MAP4K5: variants seen among roughly 807,000 people sequenced by gnomAD.
The protein encoded by MAP4K5 is mitogen-activated protein kinase kinase kinase kinase 5.
Under a neutral mutation model 135.6 loss-of-function variants are expected in MAP4K5, and 82 were observed. That is an observed-to-expected ratio of 0.60 (90% CI 0.51 to 0.73). The LOEUF is 0.73. MAP4K5 is among the 30% of genes least tolerant of loss of function. The pLI is 0.00. For missense variants in MAP4K5, 907 were observed against 1,010.9 expected (o/e 0.90, Z 1.39); for synonymous variants, 347 against 335.0 (o/e 1.04, Z -0.39).
intron 2 of MAP4K5, among the ~76,000 whole-genome samples, chr14:50,515,481 C>A (rs1031408058): frequency 6.6e-6 from 1 of 152,158 alleles, no homozygotes; most frequent in African/African-American, 2.4e-5. Context: ...CATACATCCT[C>A]CCTTACCTAT....
chr14:50,511,288 G>A (rs752499668), intron 2 of MAP4K5, among the ~76,000 whole-genome samples: 6 of 152,166 alleles, frequency 3.9e-5, no homozygotes, highest in Non-Finnish European at 5.9e-5. Context: ...ATTCTGTTAA[G>A]TGAAATTGGC....
intron 2 of MAP4K5, among the ~76,000 whole-genome samples, chr14:50,526,269 T>G (rs1378748998): frequency 6.6e-6 from 1 of 152,200 alleles, no homozygotes; most frequent in Non-Finnish European, 1.5e-5. Flanking sequence ...CACATAATTT[T>G]CTACCAAATT....
chr14:50,488,772 C>T (rs1018300449), intron 3 of MAP4K5, among the ~76,000 whole-genome samples: 4 of 152,170 alleles, frequency 2.6e-5, no homozygotes, highest in African/African-American at 9.7e-5. Context: ...TTCCCAAGCA[C>T]AGGTTATTAA....
chr14:50,457,418 C>A (rs1360458906), intron 13 of MAP4K5, among the ~76,000 whole-genome samples: 1 of 152,042 alleles, frequency 6.6e-6, no homozygotes, highest in Non-Finnish European at 1.5e-5. Context: ...ATACTTCTAC[C>A]CACCACGCAG....
chr14:50,470,634 A>ACATATTTT (rs1270733442), intron 9 of MAP4K5, among the ~76,000 whole-genome samples: 2 of 137,204 alleles, frequency 1.5e-5, no homozygotes, highest in Non-Finnish European at 3.1e-5. Flanking sequence ...TTCCTGTTTC[A>ACATATTTT]CATATTTTCA....
intron 1 of MAP4K5, among the ~76,000 whole-genome samples, chr14:50,545,925 C>CTATA (rs1350933734): frequency 6.6e-6 from 1 of 152,172 alleles, no homozygotes; most frequent in Non-Finnish European, 1.5e-5. Context: ...TCACCTTCAG[C>CTATA]TATAGTTCAT....
At chr14:50,485,875 TC>T (rs2037352437) in intron 4 of MAP4K5, 1 of 536,788 alleles carries the variant, frequency 1.9e-6, no homozygotes, top group Non-Finnish European at 3.2e-6. Context: ...TTACTTGTAA[TC>T]ACTTATGTTT....
intron 20 of MAP4K5, 115 bp from the exon 21 acceptor site, chr14:50,442,931 G>T: frequency 1.7e-6 from 1 of 600,800 alleles, no homozygotes; most frequent in Non-Finnish European, 2.9e-6. Flanking sequence ...TATGCTTGTT[G>T]TTTCATTCCA....
At chr14:50,526,861 A>C (rs1318067948) in intron 2 of MAP4K5, among the ~76,000 whole-genome samples, 2 of 152,242 alleles carry the variant, frequency 1.3e-5, no homozygotes, top group Non-Finnish European at 2.9e-5. Flanking sequence ...GAGATTCCCC[A>C]TAGCAGACCT....
At chr14:50,422,179 C>T (rs1434645057) in intron 32 of MAP4K5, among the ~76,000 whole-genome samples, 1 of 152,144 alleles carries the variant, frequency 6.6e-6, no homozygotes, top group East Asian at 1.9e-4. Context: ...CCTGGAGAAG[C>T]AAAGAGCCTC....
chr14:50,499,541 C>T (rs934960305), intron 3 of MAP4K5, among the ~76,000 whole-genome samples: 3 of 151,900 alleles, frequency 2.0e-5, no homozygotes, highest in Non-Finnish European at 2.9e-5. Flanking sequence ...GCCTGTAATT[C>T]CAGCTACTCA....
At chr14:50,555,680 G>T (rs978064610) in intron 1 of MAP4K5, among the ~76,000 whole-genome samples, 1 of 152,114 alleles carries the variant, frequency 6.6e-6, no homozygotes, top group South Asian at 2.1e-4. Context: ...TATTTCAGCC[G>T]TTGTAATTTT....
At chr14:50,443,892 A>G (rs1192975806) in intron 19 of MAP4K5, 47 bp downstream of exon 19, 1 of 1,490,138 alleles carries the variant, frequency 6.7e-7, no homozygotes, top group Admixed American at 1.9e-5. Context: ...TTGCATGATA[A>G]ATATAGTATT....
intron 21 of MAP4K5, among the ~76,000 whole-genome samples, chr14:50,441,741 TATACACACACACACAC>T (rs1207836430): frequency 2.0e-5 from 2 of 101,308 alleles, no homozygotes; most frequent in African/African-American, 3.8e-5. Flanking sequence ...AAAATTATTT[TATACACACACACACAC>T]ACACACACAC....
In MAP4K5 at chr14:50,507,646, A is replaced by G. The variant is rs905945424; in HGVS notation, c.109-2789T>C. Among the ~76,000 whole-genome samples the G allele has an allele frequency of 3.3e-5, 5 of 152,208 alleles. No homozygotes were observed. The East Asian group carries it at 9.6e-4, about 29-fold the overall frequency. On this transcript the variant is annotated intron_variant, in intron 2 of 32. Transcript: ENST00000682126. ...GGAGCAGGTTGTTCAGTTTCCATGCAGTTGAGCAGTTTTGAGTGAGTTTCT... is the reference window on the plus strand; with the variant it reads ...GGAGCAGGTTGTTCAGTTTCCATGCGGTTGAGCAGTTTTGAGTGAGTTTCT...
At chr14:50,534,484 A>G (rs564280720), upstream of MAP4K5, among the ~76,000 whole-genome samples, 73 of 152,368 alleles carry the variant, frequency 4.8e-4, no homozygotes, top group African/African-American at 1.6e-3. Context: ...GACGAGGACA[A>G]ATATCCTGAC....
intron 2 of MAP4K5, among the ~76,000 whole-genome samples, chr14:50,526,897 C>A (rs1451872248): frequency 6.6e-6 from 1 of 151,986 alleles, no homozygotes; most frequent in African/African-American, 2.4e-5. Flanking sequence ...CAGAGGAACC[C>A]ACGTTAGTGA....
intron 1 of MAP4K5, among the ~76,000 whole-genome samples, chr14:50,550,597 G>A (rs368624711): frequency 2.6e-5 from 4 of 152,194 alleles, no homozygotes; most frequent in African/African-American, 7.2e-5. Context: ...TGTCTCTGCA[G>A]GAAGGCCTGA....
At position 50,532,145 on chromosome 14, in the gene MAP4K5, G is replaced by A. The variant is rs967694019; in HGVS notation, c.-96C>T. 1.3e-6 allele frequency: 1 copy of A among 742,924 alleles called. No homozygotes were observed. The highest frequency in any genetic ancestry group is 2.2e-6 in the Non-Finnish European group (1 of 451,556). 46.0% of individuals were successfully genotyped at this position (742,924 alleles called of 1,614,324 possible). A position where few individuals can be genotyped will look rare whatever the true frequency, so the allele number is the denominator to read the frequency against. ...CGCCGCTTCCCAACATGGAGCCTCCGCCCGCAGCTCCGTCTGCACGAGGGA... is the reference window on the plus strand; with the variant it reads ...CGCCGCTTCCCAACATGGAGCCTCCACCCGCAGCTCCGTCTGCACGAGGGA... On this transcript the variant is annotated 5_prime_UTR_variant, in exon 2 of 33. Coordinates refer to ENST00000682126, the MANE Select transcript of MAP4K5 (RefSeq NM_006575.6).
Sources: gnomAD v4.1 joint callset for allele counts (sites outside exome capture counted in the v4.1 genomes callset) on GRCh38, gnomAD v4.1.1 for gene constraint, MANE v1.5 for transcripts, NCBI Gene and HGNC (gene_info 2026-07-23, HGNC 2026-07-21) for gene names.